Variants in DCLRE1C observed in about 807,000 individuals in gnomAD.
The protein encoded by DCLRE1C is protein artemis.
In DCLRE1C, 47 loss-of-function variants were observed where a neutral mutation model predicts 61.4. That is an observed-to-expected ratio of 0.77 (90% CI 0.61 to 0.98). The LOEUF (loss-of-function observed/expected upper bound fraction) is 0.98, where lower values mean the gene tolerates loss of function less well. Ranked by LOEUF, DCLRE1C falls within the 50% of genes least tolerant of loss-of-function variation. The pLI, the probability that DCLRE1C is intolerant of heterozygous loss-of-function variation, is 0.00. For missense variants in DCLRE1C, 858 were observed against 816.0 expected (o/e 1.05, Z -0.63); for synonymous variants, 337 against 287.6 (o/e 1.17, Z -1.74).
At chr10:14,951,267 A>G (rs1354289949) in intron 1 of DCLRE1C, among the ~76,000 whole-genome samples, 3 of 151,494 alleles carry the variant, frequency 2.0e-5, no homozygotes, top group Admixed American at 6.6e-5. Context: ...TGTAATCCCA[A>G]CTACTCAGGT....
intron 1 of DCLRE1C, among the ~76,000 whole-genome samples, chr10:14,951,789 G>A (rs1024173091): frequency 9.2e-5 from 14 of 152,142 alleles, no homozygotes; most frequent in Non-Finnish European, 2.1e-4. Flanking sequence ...CACCACGGTA[G>A]GACCCCACTT....
In DCLRE1C at chr10:14,905,722, C is replaced by T. The variant is rs999671692; in HGVS notation, c.*2686G>A. Among the ~76,000 whole-genome samples, 11 of 152,302 alleles carry T rather than the reference C, an allele frequency of 7.2e-5. No individual in the cohort carries two copies. Among genetic ancestry groups the T allele is most frequent in the Admixed American group, 5.2e-4 (8 of 15,296 alleles). On this transcript the variant is annotated 3_prime_UTR_variant, in exon 14 of 14. Transcript: ENST00000378278. ...TGTTTCGGCTGGACACGGTAGCTGA[C>T]GCCTGTAATCCCAGCACTTTGGGAG... is the stretch of plus-strand genomic sequence containing the variant.
rs758077996 is a variant in DCLRE1C at position 14,908,952 on chromosome 10, A to G, written c.1535T>C (p.Val512Ala). ...CTTTGGTGACTGAGATCCCCCTGCC[A>G]CTGTGGAGGAAGGGAAGTTTTCCAA... ...ESLENFPSST[V>A]AGGSQSPKLF... The change falls in exon 14 of 14, where the codon GTG becomes GCG. Residue 512 changes from valine to alanine, a missense_variant. By Grantham distance (64) the Val-to-Ala change is moderately conservative. This residue lies in a region of DCLRE1C where 843 missense variants were observed against 783.5 expected (regional missense o/e 1.08). Transcript: ENST00000378278. 3 of 1,614,036 alleles carry G rather than the reference A, an allele frequency of 1.9e-6. No homozygotes were observed. The highest frequency in any genetic ancestry group is 2.7e-5 in the African/African-American group (2 of 74,930).
intron 13 of DCLRE1C, chr10:14,911,044 A>G (rs937240416): frequency 2.6e-5 from 4 of 152,274 alleles, no homozygotes; most frequent in African/African-American, 7.2e-5. Flanking sequence ...ACCAGAGAGG[A>G]GAGTGCTGCA....
chr10:14,902,000 C>G (rs1230241600), downstream of DCLRE1C, among the ~76,000 whole-genome samples: 1 of 152,120 alleles, frequency 6.6e-6, no homozygotes, highest in Non-Finnish European at 1.5e-5. Flanking sequence ...TGTTTTCTTT[C>G]CTTTAAGAAT....
intron 11 of DCLRE1C, among the ~76,000 whole-genome samples, chr10:14,925,989 G>A (rs1201060231): frequency 2.6e-5 from 4 of 152,102 alleles, no homozygotes; most frequent in African/African-American, 9.7e-5. Flanking sequence ...GTTTTATAAG[G>A]GGCTTTTCCC....
intron 11 of DCLRE1C, among the ~76,000 whole-genome samples, chr10:14,924,172 G>C (rs975460209): frequency 6.6e-6 from 1 of 152,252 alleles, no homozygotes; most frequent in Non-Finnish European, 1.5e-5. Context: ...ACGCTAACGG[G>C]AGTGCTTGCT....
chr10:14,911,412 T>A (rs888798909), intron 13 of DCLRE1C: 1 of 152,212 alleles, frequency 6.6e-6, no homozygotes, highest in African/African-American at 2.4e-5. Flanking sequence ...CAAGAATGTT[T>A]TTAGAAATCC....
At chr10:14,950,442 C>T (rs543274924) in intron 1 of DCLRE1C, among the ~76,000 whole-genome samples, 1 of 151,358 alleles carries the variant, frequency 6.6e-6, no homozygotes, top group East Asian at 1.9e-4. Flanking sequence ...ACCACACACA[C>T]ACACAAGCAC....
downstream of DCLRE1C, chr10:14,904,315 ATTTTTTTTTTTTTTT>A (rs35999949): frequency 3.9e-5 from 3 of 77,762 alleles, no homozygotes; most frequent in South Asian, 1.6e-3. Flanking sequence ...AAAAAAAAAA[ATTTTTTTTTTTTTTT>A]TTTTTTTTTT....
intron 2 of DCLRE1C, among the ~76,000 whole-genome samples, chr10:14,947,187 G>A (rs1291883016): frequency 1.3e-5 from 2 of 151,362 alleles, no homozygotes; most frequent in Middle Eastern, 3.2e-3. Context: ...ACTCCTGCCT[G>A]GGCAGCAGAG....
intron 10 of DCLRE1C, among the ~76,000 whole-genome samples, chr10:14,927,153 G>A (rs1036215939): frequency 3.3e-5 from 5 of 152,142 alleles, no homozygotes; most frequent in South Asian, 2.1e-4. Flanking sequence ...AGGCCGACGC[G>A]TACGGATTGC....
At chr10:14,946,461 C>T (rs1564474957) in intron 2 of DCLRE1C, among the ~76,000 whole-genome samples, 1 of 152,174 alleles carries the variant, frequency 6.6e-6, no homozygotes, top group South Asian at 2.1e-4. Flanking sequence ...CACTGACTGG[C>T]GGGGTCTATG....
In DCLRE1C at chr10:14,908,689, C is replaced by G. The variant is rs772593258; in HGVS notation, c.1798G>C (p.Asp600His). ...LMEQNVICPK[D>H]TYSDLKSRDK... is the part of the protein sequence containing the mutation. Reference sequence around the variant, plus strand: ...CTGCTTTTCAAATCAGAGTAAGTATCCTTTGGGCAAATTACATTTTGTTCC... The same window carrying G: ...CTGCTTTTCAAATCAGAGTAAGTATGCTTTGGGCAAATTACATTTTGTTCC... The change falls in exon 14 of 14, where the codon GAT becomes CAT. Residue 600 changes from aspartate to histidine, a missense_variant. Physicochemically the swap from Asp to His is moderately conservative, Grantham distance 81. Coordinates refer to ENST00000378278, the MANE Select transcript of DCLRE1C (RefSeq NM_001033855.3). 3 of 1,614,036 alleles carry G rather than the reference C, an allele frequency of 1.9e-6. No individual in the cohort carries two copies. Among genetic ancestry groups the G allele is most frequent in the African/African-American group, 2.7e-5 (2 of 74,908 alleles).
chr10:14,924,887 A>AG (rs1206640026), intron 11 of DCLRE1C, among the ~76,000 whole-genome samples: 1 of 151,950 alleles, frequency 6.6e-6, no homozygotes, highest in African/African-American at 2.4e-5. Context: ...TAAAAAAAAA[A>AG]TCATCCATTA....
At chr10:14,923,288 C>G (rs1837426873) in intron 11 of DCLRE1C, 1 of 525,934 alleles carries the variant, frequency 1.9e-6, no homozygotes, top group Non-Finnish European at 3.4e-6. Flanking sequence ...ACTAGTGGGC[C>G]TAGAAATCAG....
intron 9 of DCLRE1C, among the ~76,000 whole-genome samples, chr10:14,930,833 C>T (rs1471267688): frequency 6.6e-6 from 1 of 152,182 alleles, no homozygotes; most frequent in Non-Finnish European, 1.5e-5. Flanking sequence ...TACATGCACA[C>T]AAAGTGAAGA....
intron 12 of DCLRE1C, chr10:14,920,271 G>A: frequency 1.8e-6 from 1 of 541,428 alleles, no homozygotes; most frequent in Non-Finnish European, 2.5e-6. Flanking sequence ...ATATCTCACA[G>A]GAATCTCCAC....
At chr10:14,945,882 T>C (rs1589140414) in intron 2 of DCLRE1C, among the ~76,000 whole-genome samples, 1 of 151,498 alleles carries the variant, frequency 6.6e-6, no homozygotes, top group African/African-American at 2.4e-5. Context: ...GGTCTCGAAC[T>C]CCTGACCTCG....
Sources: allele counts gnomAD v4.1 joint callset (sites outside exome capture counted in the v4.1 genomes callset), GRCh38; gene constraint gnomAD v4.1.1; regional missense constraint gnomAD v4.1.1; transcripts MANE v1.5; gene names NCBI Gene and HGNC (gene_info 2026-07-23, HGNC 2026-07-21).